Variants in TOP3B observed in about 807,000 individuals in gnomAD.
TOP3B encodes the protein DNA topoisomerase III beta, also known as DNA topoisomerase 3-beta-1.
In TOP3B, 45 loss-of-function variants were observed where a neutral mutation model predicts 93.9. That is an observed-to-expected ratio of 0.48 (90% CI 0.38 to 0.61). The LOEUF (loss-of-function observed/expected upper bound fraction) is 0.61. Ranked by LOEUF, TOP3B falls within the 20% of genes least tolerant of loss-of-function variation. The pLI is 0.00. For synonymous variants in TOP3B, 357 were observed against 472.6 expected (o/e 0.76, Z 3.17); for missense variants, 750 against 1,156.1 (o/e 0.65, Z 5.09).
In TOP3B at chr22:21,970,576, T is replaced by G; in HGVS notation, c.385-170A>C. On this transcript the variant is annotated intron_variant, in intron 5 of 17. Transcript: ENST00000357179. The surrounding 1 kb of genome is among the most constrained non-coding windows in gnomAD (Gnocchi z 4.4). ...CTTTCCTGCACCTGCCAGACCCTCCTCTATCCCCCTGCCTTTCCAGAAGCC... is the reference window on the plus strand; with the variant it reads ...CTTTCCTGCACCTGCCAGACCCTCCGCTATCCCCCTGCCTTTCCAGAAGCC... 1 of 672,246 alleles carries G rather than the reference T, an allele frequency of 1.5e-6. No individual in the cohort carries two copies. 41.6% of individuals were successfully genotyped at this position (672,246 alleles called of 1,614,324 possible).
rs1011145958 is a variant in TOP3B, at chr22:21,967,614, T to G, written c.841A>C (p.Lys281Gln). 1.2e-6 allele frequency: 2 copies of G among 1,614,016 alleles called. No individual in the cohort carries two copies. The highest frequency in any genetic ancestry group is 8.5e-7 in the Non-Finnish European group (1 of 1,179,910). Residue 281 changes from lysine (K) to glutamine (Q), a missense_variant, in exon 8 of 18, where the codon AAG (lysine) becomes CAG (glutamine). Lys to Gln is a moderately conservative substitution (Grantham distance 53, BLOSUM62 1). Transcript: ENST00000357179. ...TGGAGCAGGCACACCTGGGCTTCCT[T>G]CTCCAGCTTTGTCATGTTTAAAAAC... ...QMFLNMTKLEKEAQVEATSRK... is the reference protein window; with the variant it reads ...QMFLNMTKLEQEAQVEATSRK...
In TOP3B at chr22:21,970,327, A is replaced by G. The variant is rs1362945248; in HGVS notation, c.464T>C (p.Ile155Thr). 1 of 1,614,078 alleles carries G rather than the reference A, an allele frequency of 6.2e-7. No individual in the cohort carries two copies. Among genetic ancestry groups the G allele is most frequent in the Non-Finnish European group, 8.5e-7 (1 of 1,180,002 alleles). Reference protein sequence around the residue: ...KTVFRARFSSITDTDICNAMA... With the variant: ...KTVFRARFSSTTDTDICNAMA... ...GGCATTACAGATGTCTGTGTCCGTG[A>G]TGGAGCTAAACCTGGCCCGGAACAC... is the stretch of plus-strand genomic sequence containing the variant. The change falls in exon 6 of 18, where the codon ATC becomes ACC. Residue 155 changes from isoleucine (I) to threonine (T), a missense_variant. Transcript: ENST00000357179. This position sits in a 1 kb window ranked among gnomAD's most constrained non-coding sequence, Gnocchi z 4.4.
At chr22:21,958,980 G>A (rs1185661451) in intron 16 of TOP3B, 152 bp downstream of exon 16, 3 of 1,211,460 alleles carry the variant, frequency 2.5e-6, no homozygotes, top group Non-Finnish European at 3.4e-6. Context: ...AGGGGACGTG[G>A]GGACACTGGG....
chr22:21,981,716 G>A (rs2084635415), intron 1 of TOP3B, among the ~76,000 whole-genome samples: 1 of 152,228 alleles, frequency 6.6e-6, no homozygotes, highest in Non-Finnish European at 1.5e-5. Context: ...AGAATCACTT[G>A]AACCCGGGGG....
rs2071340320 is a variant in TOP3B at position 21,964,572 on chromosome 22, C to A, written c.944-257G>T. On this transcript the variant is annotated intron_variant, in intron 9 of 17. Transcript: ENST00000357179. ...TGGGCCTGATGGGAAACGCCACTCA[C>A]TCTACCCCACGGTGCATCCTCATGG... 7.3e-6 allele frequency: 4 copies of A among 546,306 alleles called. No individual in the cohort carries two copies. The African/African-American group carries it at 7.6e-5, about 10-fold the overall frequency. 33.8% of individuals were successfully genotyped at this position (546,306 alleles called of 1,614,324 possible).
chr22:21,965,180 C>T, intron 9 of TOP3B, 105 bp downstream of exon 9: 1 of 693,022 alleles, frequency 1.4e-6, no homozygotes, highest in South Asian at 2.5e-5. Flanking sequence ...GCTCAGATCC[C>T]CTTGAAGCCT....
rs749967993 is a variant in TOP3B, at chr22:21,972,647, C to G, written c.274G>C (p.Ala92Pro). The G allele has an allele frequency of 6.2e-7, 1 of 1,611,732 alleles. No homozygotes were observed. The highest frequency in any genetic ancestry group is 1.3e-5 in the African/African-American group (1 of 74,622). Residue 92 changes from alanine (A) to proline (P), a missense_variant, in exon 4 of 18, where the codon GCT (alanine) becomes CCT (proline). Transcript: ENST00000357179. The stretch of plus-strand genomic sequence containing the variant: ...TTCACCATGTTCAGCTTGGGGTTAG[C>G]TTCTTTCTTCTCCGTGGGAGCTTGG... ...FSQAPTEKKEANPKLNMVKFL... is the reference protein window; with the variant it reads ...FSQAPTEKKEPNPKLNMVKFL...
At chr22:21,968,965 C>T (rs2071524023) in intron 6 of TOP3B, 190 bp from the exon 7 acceptor site, 3 of 595,768 alleles carry the variant, frequency 5.0e-6, no homozygotes, top group Non-Finnish European at 8.9e-6. Flanking sequence ...ACATGGGTGA[C>T]AGAGCCAGTG....
chr22:21,971,769 T>A lies in TOP3B; in HGVS notation c.384+108A>T. ...GAGAGGTGTTTTTAAACCGGTACAG[T>A]TTACTCCCTCCTTTGGCCCCAGGAG... is the stretch of plus-strand genomic sequence containing the variant. On this transcript the variant is annotated intron_variant, in intron 5 of 17. Coordinates refer to ENST00000357179, the MANE Select transcript of TOP3B (RefSeq NM_001282112.2). This position sits in a 1 kb window ranked among gnomAD's most constrained non-coding sequence, Gnocchi z 4.6. 1.0e-6 allele frequency: 1 copy of A among 956,236 alleles called. No homozygotes were observed. The highest frequency in any genetic ancestry group is 1.9e-5 in the Admixed American group (1 of 53,590). The allele number at this position is 956,236 out of a possible 1,614,324, so 59.2% of individuals were successfully genotyped here. A position where few individuals can be genotyped will look rare whatever the true frequency, so the allele number is the denominator to read the frequency against.
chr22:21,964,308 C>A lies in TOP3B; in HGVS notation c.951G>T (p.Gly317=). 3 of 1,613,654 alleles carry A rather than the reference C, an allele frequency of 1.9e-6. No individual in the cohort carries two copies. The South Asian group carries it at 3.3e-5, about 18-fold the overall frequency. The change falls in exon 10 of 18, where the codon GGG becomes GGT. Residue 317 remains glycine, a synonymous_variant. Coordinates refer to ENST00000357179, the MANE Select transcript of TOP3B (RefSeq NM_001282112.2). Reference sequence around the variant, plus strand: ...CAGCCGTCTGCATGGCGTGCTGCGGCCCCATGCCTGCGAGAGACAGGAGGT... The same window carrying A: ...CAGCCGTCTGCATGGCGTGCTGCGGACCCATGCCTGCGAGAGACAGGAGGT... The part of the protein sequence containing the change: ...LRVASSSLGM[G]PQHAMQTAER...
At position 21,975,766 on chromosome 22, in the gene TOP3B, C is replaced by G; in HGVS notation, c.-57G>C. The G allele has an allele frequency of 6.3e-7, 1 of 1,575,338 alleles. No individual in the cohort carries two copies. Among genetic ancestry groups the G allele is most frequent in the Admixed American group, 1.7e-5 (1 of 58,666 alleles). On this transcript the variant is annotated 5_prime_UTR_variant, in exon 2 of 18. Transcript: ENST00000357179. The stretch of plus-strand genomic sequence containing the variant: ...GGCACTGGCAATGAAAAAGTTTAGA[C>G]TCCACTCTTCCGCAGCACAGCACTA...
At chr22:21,969,950 TGTAGAGATGGGGTC>T in intron 6 of TOP3B, 1 of 247,176 alleles carries the variant, frequency 4.0e-6, no homozygotes. Flanking sequence ...TTTTTTTTTT[TGTAGAGATGGGGTC>T]TTGTTATGCT....
Position 21,970,746 on chromosome 22 carries a change from T to C in TOP3B, c.385-340A>G, listed in dbSNP as rs1392387380. The C allele has an allele frequency of 8.6e-6, 3 of 347,044 alleles. No individual in the cohort carries two copies. Among genetic ancestry groups the C allele is most frequent in the Non-Finnish European group, 1.7e-5 (3 of 179,442 alleles). The allele number at this position is 347,044 out of a possible 1,614,324, so 21.5% of individuals were successfully genotyped here. On this transcript the variant is annotated intron_variant, in intron 5 of 17. Coordinates refer to ENST00000357179, the MANE Select transcript of TOP3B (RefSeq NM_001282112.2). This position sits in a 1 kb window ranked among gnomAD's most constrained non-coding sequence, Gnocchi z 4.4. ...TCAGGAAATGCTACTGCCAAGTACATGAGGGACCTCTTAGTCCCCAAACCC... is the reference window on the plus strand; with the variant it reads ...TCAGGAAATGCTACTGCCAAGTACACGAGGGACCTCTTAGTCCCCAAACCC...
At chr22:21,976,637 C>T (rs17759988) in intron 1 of TOP3B, 10,029 of 152,250 alleles carry the variant, frequency 0.066, 444 homozygotes, top group Middle Eastern at 0.1. Flanking sequence ...AACCCACTCA[C>T]ATCATGCCAT....
chr22:21,960,247 G>A (rs766185962), intron 14 of TOP3B, 74 bp downstream of exon 14: 7 of 1,601,122 alleles, frequency 4.4e-6, no homozygotes, highest in South Asian at 1.1e-5. Flanking sequence ...TGTCTGGAGC[G>A]GGCAGCAGAG....
At chr22:21,975,911 C>A in intron 1 of TOP3B, 104 bp from the exon 2 acceptor site, 2 of 747,466 alleles carry the variant, frequency 2.7e-6, no homozygotes, top group Non-Finnish European at 3.6e-6. Flanking sequence ...CAACCTGAGG[C>A]AAGAAGAAGA....
In TOP3B at chr22:21,970,385, C is replaced by T. The variant is rs774264750; in HGVS notation, c.406G>A (p.Val136Ile). 42 of 1,613,746 alleles carry T rather than the reference C, an allele frequency of 2.6e-5. No individual in the cohort carries two copies. Among genetic ancestry groups the T allele is most frequent in the South Asian group, 2.4e-4 (22 of 91,070 alleles). ...CFEVLDAVLP[V>I]MNKAHGGEKT... ...TCGCCACCATGGGCCTTGTTCATGA[C>T]GGGCAGAACAGCATCAAGAACCTGG... The change falls in exon 6 of 18, where the codon GTC (valine) becomes ATC (isoleucine). Residue 136 changes from valine (V) to isoleucine (I), a missense_variant. Around this residue, in one of 4 missense-constraint regions of TOP3B, gnomAD observed 737 missense variants for 933.7 expected, o/e 0.79. Coordinates refer to ENST00000357179, the MANE Select transcript of TOP3B (RefSeq NM_001282112.2). This position sits in a 1 kb window ranked among gnomAD's most constrained non-coding sequence, Gnocchi z 4.4.
intron 8 of TOP3B, chr22:21,965,754 C>G (rs2071391820): frequency 6.4e-6 from 1 of 155,730 alleles, no homozygotes; most frequent in Admixed American, 6.5e-5. Flanking sequence ...GTAATCCAAG[C>G]TACTCGTGAC....
Position 21,962,469 on chromosome 22 carries a change from C to T in TOP3B, c.1485G>A (p.Thr495=), listed in dbSNP as rs772232220. ...CCATGAGCGTGATGAGCTCGGCCTCCGTCAGGTAGTCGGGTGGGTTCGTCT... is the reference window on the plus strand; with the variant it reads ...CCATGAGCGTGATGAGCTCGGCCTCTGTCAGGTAGTCGGGTGGGTTCGTCT... ...EKQTNPPDYL[T]EAELITLMEK... Residue 495 remains threonine, a synonymous_variant, in exon 13 of 18, where the codon ACG becomes ACA. Coordinates refer to ENST00000357179, the MANE Select transcript of TOP3B (RefSeq NM_001282112.2). The T allele has an allele frequency of 6.2e-6, 10 of 1,613,634 alleles. No homozygotes were observed. The highest frequency in any genetic ancestry group is 1.1e-5 in the South Asian group (1 of 91,088).
Sources: gnomAD v4.1 joint callset for allele counts (sites outside exome capture counted in the v4.1 genomes callset) on GRCh38, gnomAD v4.1.1 for gene constraint, gnomAD v4.1.1 regional missense constraint, Gnocchi (gnomAD v3.1) non-coding constraint, MANE v1.5 for transcripts, NCBI Gene and HGNC (gene_info 2026-07-23, HGNC 2026-07-21) for gene names.